The following ZFPM2 variants were observed in gnomAD, a reference collection of about 807,000 sequenced individuals.
ZFPM2 encodes zinc finger protein, FOG family member 2.
A neutral mutation model predicts 98.6 loss-of-function variants in ZFPM2; 20 were observed. The ratio of observed to expected loss-of-function variants is 0.20; its 90% confidence interval spans 0.14 to 0.29. The LOEUF (loss-of-function observed/expected upper bound fraction) is 0.29. Ranked by LOEUF, ZFPM2 falls within the 10% of genes least tolerant of loss-of-function variation. The pLI, the probability that ZFPM2 is intolerant of heterozygous loss-of-function variation, is 1.00. For synonymous variants in ZFPM2, 518 were observed against 502.7 expected (o/e 1.03, Z -0.41); for missense variants, 1,310 against 1,388.6 (o/e 0.94, Z 0.90).
intron 3 of ZFPM2, among the ~76,000 whole-genome samples, chr8:105,477,512 G>C (rs1813036180): frequency 6.6e-6 from 1 of 151,654 alleles, no homozygotes; most frequent in Non-Finnish European, 1.5e-5. Context: ...CAAAGTGCTG[G>C]GATTACAGGT....
intron 3 of ZFPM2, among the ~76,000 whole-genome samples, chr8:105,517,018 G>A (rs574258795): frequency 8.5e-5 from 13 of 152,100 alleles, no homozygotes; most frequent in South Asian, 2.1e-4. Context: ...TCTATTCATC[G>A]TCTGAGTAAC....
chr8:105,439,137 C>T (rs1812186601), intron 2 of ZFPM2, among the ~76,000 whole-genome samples: 1 of 152,056 alleles, frequency 6.6e-6, no homozygotes, highest in South Asian at 2.1e-4. Flanking sequence ...CAGTAAGATG[C>T]AGGAAGGCTT....
At chr8:105,389,460 A>G (rs1420251289) in intron 1 of ZFPM2, among the ~76,000 whole-genome samples, 1 of 152,174 alleles carries the variant, frequency 6.6e-6, no homozygotes, top group Non-Finnish European at 1.5e-5. Flanking sequence ...AAATGCTAGA[A>G]TGGGTTCATT....
chr8:105,669,314 T>G (rs182267817), intron 5 of ZFPM2, among the ~76,000 whole-genome samples: 1 of 152,122 alleles, frequency 6.6e-6, no homozygotes, highest in Admixed American at 6.6e-5. Context: ...GTCTTATTAC[T>G]AAATACTCAG....
intron 5 of ZFPM2, among the ~76,000 whole-genome samples, chr8:105,788,508 C>T (rs759835335): frequency 1.1e-4 from 17 of 152,140 alleles, no homozygotes; most frequent in Non-Finnish European, 2.2e-4. Flanking sequence ...TCTCCTCCTA[C>T]TTCTGGTCAC....
At chr8:105,509,741 T>A (rs1445455874) in intron 3 of ZFPM2, among the ~76,000 whole-genome samples, 1 of 152,196 alleles carries the variant, frequency 6.6e-6, no homozygotes, top group Non-Finnish European at 1.5e-5. Context: ...ATCATTTTTT[T>A]AACCTAGGAG....
At chr8:105,796,855 C>T (rs1471596691) in intron 6 of ZFPM2, 1 of 152,212 alleles carries the variant, frequency 6.6e-6, no homozygotes, top group African/African-American at 2.4e-5. Flanking sequence ...TGGCATCCCT[C>T]TGGATGGTGA....
intron 5 of ZFPM2, among the ~76,000 whole-genome samples, chr8:105,702,407 G>T (rs1236633202): frequency 6.6e-6 from 1 of 152,196 alleles, no homozygotes; most frequent in Non-Finnish European, 1.5e-5. Flanking sequence ...ACAAATTGCT[G>T]TGTTGCATCA....
At chr8:105,642,319 G>A (rs982751115) in intron 5 of ZFPM2, among the ~76,000 whole-genome samples, 32 of 152,104 alleles carry the variant, frequency 2.1e-4, no homozygotes, top group African/African-American at 7.2e-4. Context: ...AAGAAACAGT[G>A]TGAAATTATA....
chr8:105,591,367 G>C (rs776746274), intron 4 of ZFPM2, among the ~76,000 whole-genome samples: 2 of 152,052 alleles, frequency 1.3e-5, no homozygotes, highest in African/African-American at 2.4e-5. Context: ...TTCTGTCACA[G>C]TTTGTTCATT....
At chr8:105,670,427 C>T (rs1586186922) in intron 5 of ZFPM2, among the ~76,000 whole-genome samples, 1 of 130,106 alleles carries the variant, frequency 7.7e-6, no homozygotes, top group East Asian at 2.5e-4. Context: ...ACCCGGGAGG[C>T]GGAGCTTGCA....
At chr8:105,511,324 A>G (rs1038388407) in intron 3 of ZFPM2, among the ~76,000 whole-genome samples, 2 of 152,236 alleles carry the variant, frequency 1.3e-5, no homozygotes, top group African/African-American at 4.8e-5. Context: ...CTGAGAGGTA[A>G]ATAACCGATG....
chr8:105,334,576 T>C (rs1812292318), intron 1 of ZFPM2, among the ~76,000 whole-genome samples: 1 of 151,646 alleles, frequency 6.6e-6, no homozygotes, highest in Non-Finnish European at 1.5e-5. Context: ...TAGTGTATGA[T>C]AGTTTGGTTT....
chr8:105,585,430 G>T (rs1815691035), intron 4 of ZFPM2, among the ~76,000 whole-genome samples: 1 of 152,158 alleles, frequency 6.6e-6, no homozygotes, highest in Admixed American at 6.5e-5. Flanking sequence ...TGTCTGAAAT[G>T]CATACCTGTC....
chr8:105,744,758 C>A (rs562903449), intron 5 of ZFPM2, among the ~76,000 whole-genome samples: 3 of 152,022 alleles, frequency 2.0e-5, no homozygotes, highest in South Asian at 2.1e-4. Context: ...TGCAAAAGGC[C>A]TGTGGCAAGT....
chr8:105,705,790 A>G (rs1459580386), intron 5 of ZFPM2, among the ~76,000 whole-genome samples: 6 of 152,122 alleles, frequency 3.9e-5, no homozygotes, highest in Non-Finnish European at 7.4e-5. Context: ...GAAGGAATAG[A>G]AGAAGCGTCA....
chr8:105,462,440 G>C (rs1388196743), intron 3 of ZFPM2, among the ~76,000 whole-genome samples: 8 of 152,128 alleles, frequency 5.3e-5, no homozygotes, highest in Non-Finnish European at 1.0e-4. Flanking sequence ...ACGAGGGAGA[G>C]ACTAAGGTTA....
chr8:105,446,969 T>C lies in ZFPM2; in HGVS notation c.301+2588T>C, dbSNP rs554293134. Among the ~76,000 whole-genome samples, 7 of 152,266 alleles carry C rather than the reference T, an allele frequency of 4.6e-5. No homozygotes were observed. In the South Asian group the frequency reaches 1.4e-3, roughly 32 times the overall value. On this transcript the variant is annotated intron_variant, in intron 3 of 7. Coordinates refer to ENST00000407775, the MANE Select transcript of ZFPM2 (RefSeq NM_012082.4). ...GTTTTCGCTATTGCATAAACAGCAA[T>C]TACTTTGATGTTACTACTGCAAGTT...
chr8:105,600,467 A>T (rs1444847611), intron 4 of ZFPM2, among the ~76,000 whole-genome samples: 2 of 152,080 alleles, frequency 1.3e-5, no homozygotes, highest in Non-Finnish European at 2.9e-5. Flanking sequence ...TCTTTTTTTC[A>T]ATTAATTATT....
Sources: allele counts gnomAD v4.1 joint callset (sites outside exome capture counted in the v4.1 genomes callset), GRCh38; gene constraint gnomAD v4.1.1; transcripts MANE v1.5; gene names NCBI Gene and HGNC (gene_info 2026-07-23, HGNC 2026-07-21).